Variants in ENOSF1 observed in about 807,000 individuals in gnomAD.
ENOSF1 encodes mitochondrial enolase superfamily member 1.
In ENOSF1, 73 loss-of-function variants were observed where a neutral mutation model predicts 68.2. That is an observed-to-expected ratio of 1.07 (90% CI 0.89 to 1.30). ENOSF1 has a LOEUF of 1.30. Ranked by LOEUF, ENOSF1 falls within the 50% of genes most tolerant of loss-of-function variation. ENOSF1 has a pLI of 0.00. For synonymous variants in ENOSF1, 223 were observed against 210.4 expected, an observed-to-expected ratio of 1.06 and a Z score of -0.52; for missense variants, 589 against 554.5, an observed-to-expected ratio of 1.06 and a Z score of -0.62.
At chr18:688,376 T>C (rs2076829153) in intron 9 of ENOSF1, 198 bp downstream of exon 9, 3 of 590,410 alleles carry the variant, frequency 5.1e-6, no homozygotes, top group Non-Finnish European at 8.9e-6. Flanking sequence ...TGATGGCCTA[T>C]AATTCTAATG....
chr18:698,722 G>A (rs1318581014), intron 2 of ENOSF1, among the ~76,000 whole-genome samples: 1 of 152,142 alleles, frequency 6.6e-6, no homozygotes, highest in Non-Finnish European at 1.5e-5. Context: ...CTGGGCTCAA[G>A]TGATCCTTCC....
chr18:697,364 A>G lies in ENOSF1; in HGVS notation c.194-9T>C, dbSNP rs2077846028. On this transcript the variant is annotated splice_polypyrimidine_tract_variant and intron_variant, in intron 2 of 15. Transcript: ENST00000647584. Reference sequence around the variant, plus strand: ...ATTCACAGCACAGACAACTATTTAAAAAGGATTGAACTCTTGTTTATGCTT... The same window carrying G: ...ATTCACAGCACAGACAACTATTTAAGAAGGATTGAACTCTTGTTTATGCTT... 6.9e-6 allele frequency: 11 copies of G among 1,590,558 alleles called. No individual in the cohort carries two copies. The highest frequency in any genetic ancestry group is 9.4e-6 in the Non-Finnish European group (11 of 1,164,754).
At chr18:695,681 A>C (rs2077639899) in intron 3 of ENOSF1, among the ~76,000 whole-genome samples, 1 of 152,130 alleles carries the variant, frequency 6.6e-6, no homozygotes, top group Non-Finnish European at 1.5e-5. Context: ...TCCTGGCCTT[A>C]AGTGATTCTC....
intron 7 of ENOSF1, 21 bp downstream of exon 7, chr18:691,047 G>T (rs769061824): frequency 6.2e-7 from 1 of 1,613,852 alleles, no homozygotes; most frequent in Admixed American, 1.7e-5. Context: ...AAACAATGAA[G>T]AAAATTTTCT....
Position 670,832 on chromosome 18 carries a change from C to A in ENOSF1, c.*3473G>T. The A allele has an allele frequency of 6.2e-7, 1 of 1,614,138 alleles. No homozygotes were observed. Among genetic ancestry groups the A allele is most frequent in the East Asian group, 2.2e-5 (1 of 44,878 alleles). On this transcript the variant is annotated 3_prime_UTR_variant, in exon 16 of 16. Transcript: ENST00000647584. ...TTTCAACATCGCCAGCTACGCCCTG[C>A]TCACGTACATGATTGCGCACATCAC...
intron 2 of ENOSF1, among the ~76,000 whole-genome samples, chr18:698,010 T>C (rs981548153): frequency 2.0e-5 from 3 of 152,178 alleles, no homozygotes; most frequent in Admixed American, 2.0e-4. Flanking sequence ...CCCAGGCTGG[T>C]GTCAAATTAC....
rs370425667 is a variant in ENOSF1, at chr18:673,017, G to A, written c.*1288C>T. 61 of 1,527,848 alleles carry A rather than the reference G, an allele frequency of 4.0e-5. No homozygotes were observed. The highest frequency in any genetic ancestry group is 5.1e-5 in the Non-Finnish European group (57 of 1,119,946). 94.6% of individuals were successfully genotyped at this position (1,527,848 alleles called of 1,614,324 possible). On this transcript the variant is annotated 3_prime_UTR_variant, in exon 16 of 16. Transcript: ENST00000647584. Reference sequence around the variant, plus strand: ...GTTTAGGGTGCTTTCAAAGGAGCTCGAAGGATATTGTCAGTCTTTAGGGGT... The same window carrying A: ...GTTTAGGGTGCTTTCAAAGGAGCTCAAAGGATATTGTCAGTCTTTAGGGGT...
intron 2 of ENOSF1, among the ~76,000 whole-genome samples, chr18:698,708 C>T (rs1473864119): frequency 1.3e-5 from 2 of 152,084 alleles, no homozygotes; most frequent in Non-Finnish European, 2.9e-5. Context: ...GCAATCTCTG[C>T]GTCCTGGGCT....
chr18:705,880 G>C, intron 2 of ENOSF1, among the ~76,000 whole-genome samples: 1 of 151,852 alleles, frequency 6.6e-6, no homozygotes, highest in East Asian at 1.9e-4. Context: ...ATGGTGGTGG[G>C]AGCCTGTAAT....
intron 2 of ENOSF1, among the ~76,000 whole-genome samples, chr18:706,206 G>A (rs3737369): frequency 0.13 from 19,957 of 152,010 alleles, 1,373 homozygotes; most frequent in East Asian, 0.23. Flanking sequence ...ATTTGACACA[G>A]AGAAACAGAC....
In ENOSF1 at chr18:685,954, G is replaced by T. The variant is rs778396622; in HGVS notation, c.708C>A (p.Ile236=). The change falls in exon 10 of 16, where the codon ATC becomes ATA. Residue 236 remains isoleucine, a synonymous_variant. Transcript: ENST00000647584. Reference sequence around the variant, plus strand: ...TTTCCGGTCCAATCATGTCTCGGATGATTTGGCATCTTCGCATGTCATCCT... The same window carrying T: ...TTTCCGGTCCAATCATGTCTCGGATTATTTGGCATCTTCGCATGTCATCCT... ...DLQDDMRRCQ[I]IRDMIGPEKT... is the part of the protein sequence containing the mutation. 2 of 1,614,098 alleles carry T rather than the reference G, an allele frequency of 1.2e-6. No homozygotes were observed. The highest frequency in any genetic ancestry group is 3.3e-5 in the Admixed American group (2 of 60,014).
At chr18:704,675 G>C (rs893322403) in intron 2 of ENOSF1, among the ~76,000 whole-genome samples, 1 of 145,452 alleles carries the variant, frequency 6.9e-6, no homozygotes, top group Admixed American at 7.2e-5. Flanking sequence ...GCGCAATCTC[G>C]GCTCACTGCA....
At chr18:706,434 A>T in intron 2 of ENOSF1, 36 bp downstream of exon 2, 1 of 1,314,200 alleles carries the variant, frequency 7.6e-7, no homozygotes, top group South Asian at 1.2e-5. Flanking sequence ...TCTGAAAATT[A>T]AGCATTCTGG....
At chr18:669,085 G>C, downstream of ENOSF1, 1 of 1,614,018 alleles carries the variant, frequency 6.2e-7, no homozygotes, top group South Asian at 1.1e-5. Flanking sequence ...ATTCAGGACA[G>C]GGAGTTGACC....
chr18:683,382 T>C lies in ENOSF1; in HGVS notation c.742-2A>G, dbSNP rs1426339019. ...CCAGCGCTGGTTGGCATCCATCATCTGCAAAAAGAGACTCTTCACAGGGAG... is the reference window on the plus strand; with the variant it reads ...CCAGCGCTGGTTGGCATCCATCATCCGCAAAAAGAGACTCTTCACAGGGAG... On this transcript the variant is annotated splice_acceptor_variant, in intron 10 of 15. Transcript: ENST00000647584. LOFTEE classifies it high-confidence loss of function. 12 of 1,613,916 alleles carry C rather than the reference T, an allele frequency of 7.4e-6. No individual in the cohort carries two copies. The highest frequency in any genetic ancestry group is 1.0e-5 in the Non-Finnish European group (12 of 1,179,966).
At chr18:704,986 C>A (rs1454713259) in intron 2 of ENOSF1, among the ~76,000 whole-genome samples, 1 of 152,306 alleles carries the variant, frequency 6.6e-6, no homozygotes, top group African/African-American at 2.4e-5. Flanking sequence ...ACTTGCTGGA[C>A]AACTGACCGC....
chr18:686,356 A>C (rs1340640887), intron 9 of ENOSF1: 2 of 259,770 alleles, frequency 7.7e-6, no homozygotes, highest in Non-Finnish European at 1.5e-5. Context: ...CGGGGCTGAA[A>C]AGGGGTGCCG....
chr18:672,779 T>C lies in ENOSF1; in HGVS notation c.*1526A>G. The C allele has an allele frequency of 7.0e-7, 1 of 1,438,210 alleles. No homozygotes were observed. The highest frequency in any genetic ancestry group is 9.4e-7 in the Non-Finnish European group (1 of 1,059,748). 89.1% of individuals were successfully genotyped at this position (1,438,210 alleles called of 1,614,324 possible). ...ATAGAACTTTGTTGATCACATCCTG[T>C]GTACTTGTTTCACGGACATGAGGAG... On this transcript the variant is annotated 3_prime_UTR_variant, in exon 16 of 16. Transcript: ENST00000647584.
At position 692,943 on chromosome 18, in the gene ENOSF1, A is replaced by AT. The variant is rs1332667813; in HGVS notation, c.423+938dup. 26 of 1,171,090 alleles carry AT rather than the reference A, an allele frequency of 2.2e-5. No homozygotes were observed. In the East Asian group the frequency reaches 1.5e-3, roughly 68 times the overall value. The allele number at this position is 1,171,090 out of a possible 1,614,324, so 72.5% of individuals were successfully genotyped here. A position where few individuals can be genotyped will look rare whatever the true frequency, so the allele number is the denominator to read the frequency against. Reference sequence around the variant, plus strand: ...CCATGGTGTTCTTTGTTTTTCCTTAATTTTTTGCCAACTAATAACAAGGGC... The same window carrying AT: ...CCATGGTGTTCTTTGTTTTTCCTTAATTTTTTTGCCAACTAATAACAAGGGC... On this transcript the variant is annotated intron_variant, in intron 5 of 15. Transcript: ENST00000647584.
Sources: gnomAD v4.1 joint callset for allele counts (sites outside exome capture counted in the v4.1 genomes callset) on GRCh38, gnomAD v4.1.1 for gene constraint, MANE v1.5 for transcripts, NCBI Gene and HGNC (gene_info 2026-07-23, HGNC 2026-07-21) for gene names.